Variants in PKIG observed in about 807,000 individuals in gnomAD.
PKIG encodes cAMP-dependent protein kinase inhibitor gamma, also known as protein kinase (cAMP-dependent, catalytic) inhibitor gamma.
Under a neutral mutation model 6.8 loss-of-function variants are expected in PKIG, and 1 was observed. The ratio of observed to expected loss-of-function variants is 0.15; its 90% CI spans 0.05 to 0.69. PKIG has a LOEUF of 0.69. PKIG is among the 30% of genes least tolerant of loss of function. PKIG has a pLI of 0.82. For synonymous variants in PKIG, 39 were observed against 43.0 expected (o/e 0.91, Z 0.36); for missense variants, 77 against 104.0 (o/e 0.74, Z 1.13).
rs73909543 is a variant in PKIG, at chr20:44,571,526, C to T, written c.-240-11059C>T. On this transcript the variant is annotated intron_variant, in intron 1 of 4. Coordinates refer to the PKIG transcript ENST00000372887. The stretch of plus-strand genomic sequence containing the variant: ...TAAACCGTTGTCTTCACTTTACTGG[C>T]CTTTTTCTTTACACCACATCCTGCC... Among the ~76,000 whole-genome samples, 1,138 of 152,280 alleles carry T rather than the reference C, an allele frequency of 7.5e-3. 14 individuals carry two copies. The highest frequency in any genetic ancestry group is 0.025 in the African/African-American group (1,052 of 41,554).
At chr20:44,593,407 ACACAC>A (rs1361351316) in intron 2 of PKIG, among the ~76,000 whole-genome samples, 16 of 141,462 alleles carry the variant, frequency 1.1e-4, no homozygotes, top group African/African-American at 4.3e-4. Flanking sequence ...ACACACACAC[ACACAC>A]GACTATTACT....
chr20:44,611,985 G>A (rs937044142), intron 2 of PKIG, among the ~76,000 whole-genome samples: 1 of 151,832 alleles, frequency 6.6e-6, no homozygotes, highest in African/African-American at 2.4e-5. Context: ...GTATTCCTTT[G>A]TGTATATATA....
intron 2 of PKIG, among the ~76,000 whole-genome samples, chr20:44,607,656 A>G (rs1207681344): frequency 6.7e-6 from 1 of 148,358 alleles, no homozygotes; most frequent in East Asian, 2.0e-4. Flanking sequence ...ACACATTTTT[A>G]AATGAAAAAA....
chr20:44,578,405 G>A (rs1157955439), upstream of PKIG, among the ~76,000 whole-genome samples: 2 of 151,590 alleles, frequency 1.3e-5, no homozygotes, highest in African/African-American at 2.4e-5. Flanking sequence ...ATTTTTAGTA[G>A]AGACGGTGTT....
intron 1 of PKIG, among the ~76,000 whole-genome samples, chr20:44,588,484 A>T (rs914334786): frequency 4.5e-4 from 68 of 152,156 alleles, no homozygotes; most frequent in Non-Finnish European, 2.9e-5. Context: ...TGTACTAAAA[A>T]AATACAAAAA....
intron 1 of PKIG, among the ~76,000 whole-genome samples, chr20:44,540,125 T>G (rs1333434081): frequency 2.0e-5 from 3 of 151,966 alleles, no homozygotes; most frequent in Non-Finnish European, 4.4e-5. Context: ...CACGCCTGGC[T>G]AATTTTCGTA....
intron 1 of PKIG, among the ~76,000 whole-genome samples, chr20:44,559,972 G>A (rs1283071060): frequency 1.3e-5 from 2 of 151,834 alleles, no homozygotes; most frequent in Non-Finnish European, 2.9e-5. Context: ...AGAGGCTGAG[G>A]TGGGCGGATC....
rs2065174742 is a variant in PKIG at position 44,607,379 on chromosome 20, T to TA, written c.-23-7155_-23-7154insA. Among the ~76,000 whole-genome samples the TA allele has an allele frequency of 4.3e-5, 5 of 117,358 alleles. No individual in the cohort carries two copies. The South Asian group carries it at 9.6e-4, about 22-fold the overall frequency. 77.0% of individuals were successfully genotyped at this position (117,358 alleles called of 152,430 possible). ...TGTGTGTATATATATATATATATAT[T>TA]TTTTTTTTTTTTTTTTTGAAATAGA... is the stretch of plus-strand genomic sequence containing the variant. On this transcript the variant is annotated intron_variant, in intron 2 of 3. Transcript: ENST00000372886.
intron 2 of PKIG, among the ~76,000 whole-genome samples, chr20:44,606,072 TA>T (rs2065161488): frequency 6.6e-6 from 1 of 152,046 alleles, no homozygotes; most frequent in Non-Finnish European, 1.5e-5. Flanking sequence ...TGCCGAAAAA[TA>T]AAGTCAAAGT....
chr20:44,610,833 TC>T (rs1184347717), intron 2 of PKIG, among the ~76,000 whole-genome samples: 2 of 152,188 alleles, frequency 1.3e-5, no homozygotes, highest in East Asian at 3.8e-4. Context: ...TCAGACATTG[TC>T]CTATGTCAGT....
At chr20:44,595,923 C>T (rs998113369) in intron 2 of PKIG, among the ~76,000 whole-genome samples, 3 of 152,006 alleles carry the variant, frequency 2.0e-5, no homozygotes, top group African/African-American at 7.2e-5. Flanking sequence ...TATATTCACC[C>T]CATAAGTGGT....
upstream of PKIG, among the ~76,000 whole-genome samples, chr20:44,582,035 G>A (rs571704263): frequency 6.6e-6 from 1 of 152,192 alleles, no homozygotes; most frequent in South Asian, 2.1e-4. Context: ...TTTCCCAGGG[G>A]ACACACCAGT....
At chr20:44,573,506 A>G (rs1407856359) in intron 1 of PKIG, among the ~76,000 whole-genome samples, 1 of 152,250 alleles carries the variant, frequency 6.6e-6, no homozygotes, top group East Asian at 1.9e-4. Flanking sequence ...AAAGATAGTC[A>G]TGTCCCTCCT....
chr20:44,612,316 A>G (rs184678980), intron 2 of PKIG, among the ~76,000 whole-genome samples: 1 of 152,252 alleles, frequency 6.6e-6, no homozygotes, highest in South Asian at 2.1e-4. Flanking sequence ...GACCAGGTGC[A>G]GTAAACATCC....
At chr20:44,539,603 G>A (rs962801783) in intron 1 of PKIG, among the ~76,000 whole-genome samples, 1 of 151,818 alleles carries the variant, frequency 6.6e-6, no homozygotes, top group Non-Finnish European at 1.5e-5. Flanking sequence ...ATATTTAGTA[G>A]TAACAGGGTT....
At chr20:44,536,221 T>G (rs1400705749) in intron 1 of PKIG, among the ~76,000 whole-genome samples, 2 of 152,236 alleles carry the variant, frequency 1.3e-5, no homozygotes, top group Non-Finnish European at 2.9e-5. Flanking sequence ...CGATGGTCAC[T>G]TTGAGTTGCT....
upstream of PKIG, among the ~76,000 whole-genome samples, chr20:44,579,592 T>G (rs112899167): frequency 0.058 from 8,892 of 152,304 alleles, 316 homozygotes; most frequent in African/African-American, 0.092. Context: ...GAGGATGACA[T>G]GAAGTGGTGT....
intron 2 of PKIG, among the ~76,000 whole-genome samples, chr20:44,596,076 A>G (rs2065072811): frequency 6.6e-6 from 1 of 152,316 alleles, no homozygotes; most frequent in African/African-American, 2.4e-5. Context: ...ATTAAAATCT[A>G]TATGTCAGGA....
chr20:44,572,077 C>T (rs950693013), intron 1 of PKIG, among the ~76,000 whole-genome samples: 38 of 152,210 alleles, frequency 2.5e-4, no homozygotes, highest in African/African-American at 9.2e-4. Context: ...AATCTCAGCT[C>T]ATTACAACCT....
Sources: allele counts gnomAD v4.1 joint callset (sites outside exome capture counted in the v4.1 genomes callset), GRCh38; gene constraint gnomAD v4.1.1; transcripts MANE v1.5; gene names NCBI Gene and HGNC (gene_info 2026-07-23, HGNC 2026-07-21).